Variants in TIGAR observed in about 807,000 individuals in gnomAD.
The protein encoded by TIGAR is TP53 induced glycolysis regulatory phosphatase.
Under a neutral mutation model 17.9 loss-of-function variants are expected in TIGAR, and 7 were observed. That is an observed-to-expected ratio of 0.39 (90% CI 0.22 to 0.73). The LOEUF is 0.73. Among genes scored for constraint, TIGAR ranks in the 30% least tolerant of loss-of-function variants. The pLI, the probability that TIGAR is intolerant of heterozygous loss-of-function variation, is 0.42. For missense variants in TIGAR, 258 were observed against 327.4 expected, an observed-to-expected ratio of 0.79 and a Z score of 1.64; for synonymous variants, 94 against 108.6, an observed-to-expected ratio of 0.87 and a Z score of 0.84.
intron 5 of TIGAR, 42 bp from the exon 6 acceptor site, chr12:4,352,218 A>G: frequency 6.4e-7 from 1 of 1,551,242 alleles, no homozygotes; most frequent in Non-Finnish European, 8.7e-7. Context: ...TAAGGAAGTC[A>G]TTAATGTCAC....
intron 2 of TIGAR, among the ~76,000 whole-genome samples, 161 bp downstream of exon 2, chr12:4,331,478 G>C (rs1864603071): frequency 6.6e-6 from 1 of 152,222 alleles, no homozygotes; most frequent in African/African-American, 2.4e-5. Context: ...GATCAGGGCT[G>C]TTAGTAACCA....
At chr12:4,346,464 A>G (rs943946173) in intron 3 of TIGAR, among the ~76,000 whole-genome samples, 1 of 152,218 alleles carries the variant, frequency 6.6e-6, no homozygotes, top group Non-Finnish European at 1.5e-5. Context: ...AGGGACATAG[A>G]TGAAGCTGGA....
chr12:4,322,741 T>G (rs1318487573), intron 1 of TIGAR, among the ~76,000 whole-genome samples: 1 of 152,166 alleles, frequency 6.6e-6, no homozygotes, highest in East Asian at 1.9e-4. Flanking sequence ...TCCTCTAAAA[T>G]TGTCTGTTTA....
intron 4 of TIGAR, among the ~76,000 whole-genome samples, chr12:4,350,890 T>C (rs1591666085): frequency 6.6e-6 from 1 of 152,324 alleles, no homozygotes; most frequent in East Asian, 1.9e-4. Flanking sequence ...GGTGCTGTCA[T>C]TGGGATCAAA....
chr12:4,329,304 AG>A (rs1281435053), intron 1 of TIGAR, among the ~76,000 whole-genome samples: 4 of 145,948 alleles, frequency 2.7e-5, no homozygotes, highest in Non-Finnish European at 4.5e-5. Flanking sequence ...TGTTGCTATT[AG>A]AAATAATACT....
intron 2 of TIGAR, 104 bp from the exon 3 acceptor site, chr12:4,336,935 T>C: frequency 6.2e-6 from 8 of 1,292,094 alleles, no homozygotes; most frequent in Non-Finnish European, 7.1e-6. Flanking sequence ...AAAAAATCTT[T>C]CATTAAAATT....
chr12:4,338,531 A>G (rs1386450838), intron 3 of TIGAR, among the ~76,000 whole-genome samples: 1 of 152,232 alleles, frequency 6.6e-6, no homozygotes, highest in African/African-American at 2.4e-5. Flanking sequence ...GGATAGACAA[A>G]GAACTCTAGA....
chr12:4,356,871 C>T lies in TIGAR; in HGVS notation c.*4180C>T, dbSNP rs573792462. 3.3e-5 allele frequency among the ~76,000 whole-genome samples: 5 copies of T among 152,162 alleles called. No homozygotes were observed. The highest frequency in any genetic ancestry group is 1.3e-4 in the Admixed American group (2 of 15,270). On this transcript the variant is annotated 3_prime_UTR_variant, in exon 6 of 6. Coordinates refer to ENST00000179259, the MANE Select transcript of TIGAR (RefSeq NM_020375.3). ...TCAAGCAGAGCCTGTCGCTTAGGCT[C>T]CCTTGCACCTGGAGTCGAAACCATG...
At chr12:4,346,677 C>T (rs1864784936) in intron 3 of TIGAR, among the ~76,000 whole-genome samples, 1 of 151,984 alleles carries the variant, frequency 6.6e-6, no homozygotes, top group Non-Finnish European at 1.5e-5. Flanking sequence ...ATGGATGCAG[C>T]ACACCAACAT....
chr12:4,341,536 C>G (rs1266465803), intron 3 of TIGAR, among the ~76,000 whole-genome samples: 1 of 152,218 alleles, frequency 6.6e-6, no homozygotes, highest in Non-Finnish European at 1.5e-5. Flanking sequence ...CCCTCTGAGA[C>G]AAAACTTCCA....
intron 2 of TIGAR, among the ~76,000 whole-genome samples, chr12:4,334,838 G>A (rs1219069805): frequency 2.0e-5 from 3 of 152,074 alleles, no homozygotes; most frequent in Non-Finnish European, 4.4e-5. Context: ...ATTTCTATCA[G>A]CTAAATGGTG....
chr12:4,323,691 T>G (rs1336947676), intron 1 of TIGAR, among the ~76,000 whole-genome samples: 1 of 152,246 alleles, frequency 6.6e-6, no homozygotes, highest in African/African-American at 2.4e-5. Flanking sequence ...ATTTGTAGAT[T>G]ACTTGAACAT....
chr12:4,340,907 TAAATC>T (rs1408311240), intron 3 of TIGAR, among the ~76,000 whole-genome samples: 5 of 152,330 alleles, frequency 3.3e-5, no homozygotes, highest in African/African-American at 1.2e-4. Flanking sequence ...ATTGAAGACT[TAAATC>T]TAAGACCTCA....
chr12:4,340,885 CAAAT>C (rs967902204), intron 3 of TIGAR, among the ~76,000 whole-genome samples: 4 of 152,236 alleles, frequency 2.6e-5, no homozygotes, highest in South Asian at 4.1e-4. Context: ...ATACAAATAT[CAAAT>C]AAAATGGATT....
At chr12:4,328,978 C>T (rs1443939998) in intron 1 of TIGAR, among the ~76,000 whole-genome samples, 1 of 152,174 alleles carries the variant, frequency 6.6e-6, no homozygotes, top group Non-Finnish European at 1.5e-5. Context: ...CTATTCTTCC[C>T]CCAACCAATA....
chr12:4,324,416 C>T (rs1050997805), intron 1 of TIGAR: 84 of 1,428,816 alleles, frequency 5.9e-5, no homozygotes, highest in Admixed American at 8.4e-5. Flanking sequence ...GCCCCGATGC[C>T]GGGCCGGCAG....
Position 4,337,290 on chromosome 12 carries a change from C to CG in TIGAR, c.192+130_192+131insG, listed in dbSNP as rs1864670463. 6 of 502,058 alleles carry CG rather than the reference C, an allele frequency of 1.2e-5. No individual in the cohort carries two copies. In the East Asian group the frequency reaches 2.2e-4, roughly 18 times the overall value. 31.1% of individuals were successfully genotyped at this position (502,058 alleles called of 1,614,324 possible). ...CAAGTGATTCTGATGCCTCAGCCTCCCAATAGCTGGGATTACAGGTGTGTG... is the reference window on the plus strand; with the variant it reads ...CAAGTGATTCTGATGCCTCAGCCTCCGCAATAGCTGGGATTACAGGTGTGTG... On this transcript the variant is annotated intron_variant, in intron 3 of 5. Transcript: ENST00000179259.
chr12:4,350,976 C>T (rs1039233680), intron 4 of TIGAR, among the ~76,000 whole-genome samples: 1 of 152,042 alleles, frequency 6.6e-6, no homozygotes, highest in Non-Finnish European at 1.5e-5. Context: ...ATAATCTGTG[C>T]AAATCTCTGT....
At chr12:4,340,033 C>T (rs1256183915) in intron 3 of TIGAR, among the ~76,000 whole-genome samples, 4 of 152,210 alleles carry the variant, frequency 2.6e-5, no homozygotes, top group Admixed American at 6.5e-5. Context: ...ATTTTCACCA[C>T]TGTTATTCAA....
Sources: allele counts gnomAD v4.1 joint callset (sites outside exome capture counted in the v4.1 genomes callset), GRCh38; gene constraint gnomAD v4.1.1; transcripts MANE v1.5; gene names NCBI Gene and HGNC (gene_info 2026-07-23, HGNC 2026-07-21).